Variants in TCERG1L observed in about 807,000 individuals in gnomAD.
TCERG1L encodes the protein transcription elongation regulator 1-like protein.
In TCERG1L, 37 loss-of-function variants were observed where a neutral mutation model predicts 56.3. The observed-to-expected ratio is 0.66, with a 90% confidence interval of 0.51 to 0.87. TCERG1L has a LOEUF of 0.87. TCERG1L is among the 40% of genes least tolerant of loss of function. TCERG1L has a pLI of 0.00. For missense variants in TCERG1L, 799 were observed against 774.2 expected (o/e 1.03, Z -0.38); for synonymous variants, 324 against 326.3 (o/e 0.99, Z 0.08).
chr10:131,288,778 T>C (rs1023499533), intron 3 of TCERG1L, among the ~76,000 whole-genome samples: 1 of 142,998 alleles, frequency 7.0e-6, no homozygotes, highest in Non-Finnish European at 1.5e-5. Flanking sequence ...GACACAGAGG[T>C]TGGAGAATGC....
rs183592889 is a variant in TCERG1L at position 131,210,709 on chromosome 10, C to A, written c.857-43824G>T. Among the ~76,000 whole-genome samples, 24 of 152,212 alleles carry A rather than the reference C, an allele frequency of 1.6e-4. No individual in the cohort carries two copies. The East Asian group carries it at 4.6e-3, about 29-fold the overall frequency. On this transcript the variant is annotated intron_variant, in intron 4 of 11. Coordinates refer to ENST00000368642, the MANE Select transcript of TCERG1L (RefSeq NM_174937.4). ...CGCCCTTCCCTCAGTTTCCTCCCTC[C>A]TCTCCTCCTCCTCCTCCTTATTCCT...
chr10:131,222,157 C>T (rs1305374272), intron 4 of TCERG1L, among the ~76,000 whole-genome samples: 2 of 152,230 alleles, frequency 1.3e-5, no homozygotes, highest in Admixed American at 6.5e-5. Context: ...GAGTTCCAGA[C>T]CATTAAGGTG....
chr10:131,236,367 T>C (rs1342610572), intron 4 of TCERG1L, among the ~76,000 whole-genome samples: 5 of 152,176 alleles, frequency 3.3e-5, no homozygotes, highest in Admixed American at 6.5e-5. Context: ...GCCATGGAAA[T>C]CAGCCTCAGA....
chr10:131,284,296 AT>A (rs1339921427), intron 3 of TCERG1L, among the ~76,000 whole-genome samples: 1 of 152,130 alleles, frequency 6.6e-6, no homozygotes, highest in African/African-American at 2.4e-5. Flanking sequence ...TTGAATGGGA[AT>A]TCCTTTAAAA....
intron 4 of TCERG1L, among the ~76,000 whole-genome samples, chr10:131,248,354 A>G (rs774795363): frequency 5.3e-5 from 8 of 152,200 alleles, no homozygotes; most frequent in Non-Finnish European, 1.2e-4. Flanking sequence ...CAGAGCCAGG[A>G]CAATGACAGA....
chr10:131,300,265 T>C (rs1306270363), intron 3 of TCERG1L, among the ~76,000 whole-genome samples: 1 of 152,178 alleles, frequency 6.6e-6, no homozygotes, highest in Admixed American at 6.5e-5. Flanking sequence ...ACTTCTTGGA[T>C]TTATAGTTTC....
intron 4 of TCERG1L, among the ~76,000 whole-genome samples, chr10:131,197,817 C>A (rs1214855150): frequency 6.6e-6 from 1 of 152,150 alleles, no homozygotes; most frequent in East Asian, 1.9e-4. Context: ...ACAACACATC[C>A]CAAATACAAA....
At chr10:131,196,463 C>T (rs1325630273) in intron 4 of TCERG1L, among the ~76,000 whole-genome samples, 3 of 152,250 alleles carry the variant, frequency 2.0e-5, no homozygotes, top group Admixed American at 6.5e-5. Flanking sequence ...GCCACGCTGA[C>T]ACTCACAGCC....
At chr10:131,200,241 C>A (rs1845416648) in intron 4 of TCERG1L, among the ~76,000 whole-genome samples, 1 of 152,174 alleles carries the variant, frequency 6.6e-6, no homozygotes. Context: ...GCCTTAGTCT[C>A]GTTTGTGCTG....
chr10:131,180,917 G>T (rs1208458888), intron 4 of TCERG1L, among the ~76,000 whole-genome samples: 1 of 152,160 alleles, frequency 6.6e-6, no homozygotes, highest in Admixed American at 6.5e-5. Flanking sequence ...ATCGCTGACT[G>T]CATCCTATTA....
At position 131,311,479 on chromosome 10, in the gene TCERG1L, T is replaced by TGAGCCGGAGCAGCCCGGCC; in HGVS notation, c.138_156dup (p.Ser53GlyfsTer115). The stretch of plus-strand genomic sequence containing the variant: ...ACCGGGGGAACCACGACCCCCGCGC[T>TGAGCCGGAGCAGCCCGGCC]GAGCCGGAGCAGCCCGGCCGAGCCC... On this transcript the variant is annotated frameshift_variant, in exon 1 of 12. Transcript: ENST00000368642. LOFTEE classifies it high-confidence loss of function. This position sits in a 1 kb window ranked among gnomAD's most constrained non-coding sequence, Gnocchi z 4.0. 1.7e-6 allele frequency: 2 copies of TGAGCCGGAGCAGCCCGGCC among 1,186,442 alleles called. No individual in the cohort carries two copies. The highest frequency in any genetic ancestry group is 2.1e-6 in the Non-Finnish European group (2 of 960,584). The allele number at this position is 1,186,442 out of a possible 1,614,324, so 73.5% of individuals were successfully genotyped here. A position where few individuals can be genotyped will look rare whatever the true frequency, so the allele number is the denominator to read the frequency against.
At chr10:131,176,999 CACAG>C (rs762243576) in intron 4 of TCERG1L, among the ~76,000 whole-genome samples, 2,459 of 127,988 alleles carry the variant, frequency 0.019, 2 homozygotes, top group South Asian at 0.062. Context: ...CAGGTGTACA[CACAG>C]ACACATGCAC....
intron 4 of TCERG1L, among the ~76,000 whole-genome samples, chr10:131,259,286 TCA>T (rs1846208540): frequency 6.6e-6 from 1 of 152,220 alleles, no homozygotes. Flanking sequence ...TGTGTGTCTA[TCA>T]CAGTCTAGTG....
At chr10:131,169,474 T>C (rs1846066173) in intron 4 of TCERG1L, among the ~76,000 whole-genome samples, 1 of 152,152 alleles carries the variant, frequency 6.6e-6, no homozygotes, top group Non-Finnish European at 1.5e-5. Context: ...TTAAACTTGG[T>C]GATTCAATGA....
At chr10:131,297,126 C>A (rs1054561822) in intron 3 of TCERG1L, among the ~76,000 whole-genome samples, 25 of 152,038 alleles carry the variant, frequency 1.6e-4, no homozygotes, top group African/African-American at 6.0e-4. Context: ...CAAATCCTTG[C>A]CTTGTTTTTC....
chr10:131,114,914 G>A (rs986483842), intron 9 of TCERG1L, among the ~76,000 whole-genome samples: 2 of 152,214 alleles, frequency 1.3e-5, no homozygotes, highest in Admixed American at 6.5e-5. Flanking sequence ...GGCCAGCCTG[G>A]CCAGGCCTAT....
In TCERG1L at chr10:131,291,401, C is replaced by CTTTTTT. The variant is rs71009957; in HGVS notation, c.670+16804_670+16809dup. Among the ~76,000 whole-genome samples the CTTTTTT allele has an allele frequency of 1.0e-2, 365 of 36,588 alleles. 115 individuals are homozygous for CTTTTTT. Among genetic ancestry groups the CTTTTTT allele is most frequent in the East Asian group, 0.012 (11 of 912 alleles). The allele number at this position is 36,588 out of a possible 152,430, so 24.0% of individuals were successfully genotyped here. A position where few individuals can be genotyped will look rare whatever the true frequency, so the allele number is the denominator to read the frequency against. The stretch of plus-strand genomic sequence containing the variant: ...TGTGTATATTCCATAAACAGCATTT[C>CTTTTTT]TTTTTTTTTTTTTTTTTTTTTTTTT... On this transcript the variant is annotated intron_variant, in intron 3 of 11. Transcript: ENST00000368642.
intron 3 of TCERG1L, among the ~76,000 whole-genome samples, chr10:131,284,968 A>C (rs1386680206): frequency 2.0e-5 from 3 of 152,200 alleles, no homozygotes; most frequent in African/African-American, 7.2e-5. Flanking sequence ...TTTAAGGAAT[A>C]TTCCAATCTA....
At chr10:131,183,355 T>C (rs1000115776) in intron 4 of TCERG1L, among the ~76,000 whole-genome samples, 5 of 152,204 alleles carry the variant, frequency 3.3e-5, no homozygotes, top group African/African-American at 1.2e-4. Context: ...AAGAGACCCT[T>C]TGTTGGGGAA....
Sources: gnomAD v4.1 joint callset for allele counts (sites outside exome capture counted in the v4.1 genomes callset) on GRCh38, gnomAD v4.1.1 for gene constraint, Gnocchi (gnomAD v3.1) non-coding constraint, MANE v1.5 for transcripts, NCBI Gene and HGNC (gene_info 2026-07-23, HGNC 2026-07-21) for gene names.